ROBO1: variants seen among roughly 807,000 people sequenced by gnomAD.
The protein encoded by ROBO1 is roundabout guidance receptor 1.
A neutral mutation model predicts 195.9 loss-of-function variants in ROBO1; 149 were observed. The observed-to-expected ratio is 0.76, with a 90% CI of 0.67 to 0.87. The LOEUF is 0.87. Among genes scored for constraint, ROBO1 ranks in the 40% least tolerant of loss-of-function variants. ROBO1 has a pLI of 0.00. For missense variants in ROBO1, 1,933 were observed against 2,068.3 expected (o/e 0.93, Z 1.27); for synonymous variants, 816 against 733.2 (o/e 1.11, Z -1.82).
At chr3:79,201,247 C>T (rs2081758173) in intron 2 of ROBO1, among the ~76,000 whole-genome samples, 1 of 151,852 alleles carries the variant, frequency 6.6e-6, no homozygotes, top group South Asian at 2.1e-4. Context: ...AGTGAACTAC[C>T]ATAGTTCTCA....
intron 2 of ROBO1, among the ~76,000 whole-genome samples, chr3:79,566,089 T>TA (rs1943081218): frequency 6.6e-6 from 1 of 152,102 alleles, no homozygotes; most frequent in South Asian, 2.1e-4. Context: ...TAAAAATATT[T>TA]AAAACCTACA....
At chr3:79,705,034 T>C (rs1947726874) in intron 1 of ROBO1, among the ~76,000 whole-genome samples, 1 of 152,020 alleles carries the variant, frequency 6.6e-6, no homozygotes, top group South Asian at 2.1e-4. Context: ...TCAGGTTGTT[T>C]TGCTTTTCTT....
At chr3:78,674,691 T>A (rs1207431026) in intron 10 of ROBO1, among the ~76,000 whole-genome samples, 3 of 152,214 alleles carry the variant, frequency 2.0e-5, no homozygotes, top group African/African-American at 7.2e-5. Flanking sequence ...AAAAGGTCTA[T>A]GCGTGATCTA....
chr3:79,628,925 T>C (rs557976742), intron 1 of ROBO1, among the ~76,000 whole-genome samples: 1 of 152,090 alleles, frequency 6.6e-6, no homozygotes, highest in African/African-American at 2.4e-5. Context: ...AATGACAAAA[T>C]TTTCAATTCA....
At chr3:79,335,968 T>G (rs1322141125) in intron 2 of ROBO1, among the ~76,000 whole-genome samples, 1 of 152,202 alleles carries the variant, frequency 6.6e-6, no homozygotes, top group African/African-American at 2.4e-5. Flanking sequence ...TGACCCTTGC[T>G]GTGCTTTAGC....
intron 1 of ROBO1, among the ~76,000 whole-genome samples, chr3:79,608,818 G>T (rs760843918): frequency 6.6e-6 from 1 of 151,792 alleles, no homozygotes; most frequent in Non-Finnish European, 1.5e-5. Flanking sequence ...ATTTTGCTGT[G>T]GTTTGAATGT....
intron 4 of ROBO1, among the ~76,000 whole-genome samples, chr3:78,923,113 A>G (rs2039034242): frequency 6.6e-6 from 1 of 152,204 alleles, no homozygotes; most frequent in African/African-American, 2.4e-5. Context: ...CTTATAGACA[A>G]GAAAATGAAG....
At chr3:78,872,363 G>GCCAA (rs1426324588) in intron 4 of ROBO1, among the ~76,000 whole-genome samples, 2 of 152,206 alleles carry the variant, frequency 1.3e-5, no homozygotes, top group South Asian at 2.1e-4. Context: ...CTGAGTTTGG[G>GCCAA]GGAAGGCACA....
intron 4 of ROBO1, among the ~76,000 whole-genome samples, chr3:78,870,668 C>T (rs1218928564): frequency 3.3e-5 from 5 of 152,108 alleles, no homozygotes; most frequent in Non-Finnish European, 5.9e-5. Flanking sequence ...TGGCTGAGCC[C>T]ATCATCAATG....
intron 10 of ROBO1, among the ~76,000 whole-genome samples, chr3:78,672,886 G>A (rs1051923786): frequency 6.6e-6 from 1 of 152,096 alleles, no homozygotes; most frequent in Non-Finnish European, 1.5e-5. Flanking sequence ...GTGATTAAAT[G>A]CACGGACTTT....
intron 4 of ROBO1, among the ~76,000 whole-genome samples, chr3:78,839,536 G>A (rs1336303771): frequency 6.6e-6 from 1 of 150,968 alleles, no homozygotes; most frequent in Non-Finnish European, 1.5e-5. Flanking sequence ...ACAAATATTA[G>A]GATAAAAAAG....
At chr3:79,163,253 T>C (rs1315120881) in intron 2 of ROBO1, among the ~76,000 whole-genome samples, 3 of 152,084 alleles carry the variant, frequency 2.0e-5, no homozygotes, top group Admixed American at 6.6e-5. Flanking sequence ...TACCTACCTA[T>C]CTCATGTAAG....
chr3:79,701,414 G>A (rs754520854), intron 1 of ROBO1, among the ~76,000 whole-genome samples: 11 of 151,232 alleles, frequency 7.3e-5, no homozygotes, highest in Non-Finnish European at 1.0e-4. Context: ...TTGCCATTTT[G>A]TACAATCATA....
chr3:79,293,927 G>A lies in ROBO1; in HGVS notation c.89-168388C>T, dbSNP rs570941353. 7.6e-3 allele frequency among the ~76,000 whole-genome samples: 1,146 copies of A among 150,234 alleles called. 13 individuals are homozygous for A. The highest frequency in any genetic ancestry group is 0.025 in the African/African-American group (1,011 of 40,988). The stretch of plus-strand genomic sequence containing the variant: ...CAAAAAATTAGCCGGGCGTGGTAGC[G>A]GGCGCCTGTAGTCCCAGCTACTCGG... On this transcript the variant is annotated intron_variant, in intron 2 of 30. Coordinates refer to ENST00000464233, the MANE Select transcript of ROBO1 (RefSeq NM_002941.4).
In ROBO1 at chr3:78,729,703, G is replaced by A. The variant is rs376896948; in HGVS notation, c.658-11820C>T. 5.3e-5 allele frequency among the ~76,000 whole-genome samples: 8 copies of A among 152,266 alleles called. No individual in the cohort carries two copies. The East Asian group carries it at 9.7e-4, about 18-fold the overall frequency. The stretch of plus-strand genomic sequence containing the variant: ...ATTATTAAGACTAGAACCCCAAAGT[G>A]AATCCTATAAAAGGAGGCAATATAA... On this transcript the variant is annotated intron_variant, in intron 5 of 30. Coordinates refer to ENST00000464233, the MANE Select transcript of ROBO1 (RefSeq NM_002941.4).
intron 1 of ROBO1, among the ~76,000 whole-genome samples, chr3:79,758,422 C>T (rs1414218742): frequency 6.6e-6 from 1 of 152,110 alleles, no homozygotes. Flanking sequence ...TAGATAAATA[C>T]AGTGATATAT....
intron 1 of ROBO1, among the ~76,000 whole-genome samples, chr3:79,609,880 T>C (rs1045600031): frequency 5.3e-5 from 8 of 151,914 alleles, no homozygotes; most frequent in Admixed American, 6.6e-5. Flanking sequence ...TTAAAGGGTA[T>C]ATGATTTCCA....
intron 2 of ROBO1, among the ~76,000 whole-genome samples, chr3:79,407,865 T>C (rs1376244065): frequency 6.6e-6 from 1 of 152,142 alleles, no homozygotes; most frequent in Non-Finnish European, 1.5e-5. Flanking sequence ...TATAGTGAAG[T>C]TACTGTACTT....
chr3:78,743,741 A>G (rs912704933), intron 5 of ROBO1, among the ~76,000 whole-genome samples: 3 of 152,180 alleles, frequency 2.0e-5, no homozygotes, highest in African/African-American at 7.2e-5. Flanking sequence ...GGTGTCTTCC[A>G]CGTTGCAGTT....
Sources: gnomAD v4.1 joint callset for allele counts (sites outside exome capture counted in the v4.1 genomes callset) on GRCh38, gnomAD v4.1.1 for gene constraint, MANE v1.5 for transcripts, NCBI Gene and HGNC (gene_info 2026-07-23, HGNC 2026-07-21) for gene names.